GJC1: variants seen among roughly 807,000 people sequenced by gnomAD.
GJC1 encodes gap junction gamma-1 protein.
A neutral mutation model predicts 29.3 loss-of-function variants in GJC1; 5 were observed. The observed-to-expected ratio is 0.17, with a 90% CI of 0.09 to 0.36. GJC1 has a LOEUF of 0.36. Ranked by LOEUF, GJC1 falls within the 10% of genes least tolerant of loss-of-function variation. The pLI is 1.00. For synonymous variants in GJC1, 177 were observed against 183.3 expected, an observed-to-expected ratio of 0.97 and a Z score of 0.28; for missense variants, 310 against 496.2, an observed-to-expected ratio of 0.62 and a Z score of 3.56.
chr17:44,819,215 C>T (rs2050077141), intron 1 of GJC1, among the ~76,000 whole-genome samples: 1 of 152,162 alleles, frequency 6.6e-6, no homozygotes, highest in Non-Finnish European at 1.5e-5. Context: ...CTTCTCCCAG[C>T]CCCTGGCAAT....
intron 1 of GJC1, among the ~76,000 whole-genome samples, chr17:44,814,959 T>C (rs566020305): frequency 6.6e-6 from 1 of 151,216 alleles, no homozygotes; most frequent in African/African-American, 2.4e-5. Context: ...AAAAAAAAAA[T>C]TTCAGGACAT....
rs35299072 is a variant in GJC1 at position 44,813,484 on chromosome 17, C to CTTT, written c.-96-6018_-96-6016dup. Among the ~76,000 whole-genome samples, 281 of 80,514 alleles carry CTTT rather than the reference C, an allele frequency of 3.5e-3. 13 individuals carry two copies. Among genetic ancestry groups the CTTT allele is most frequent in the African/African-American group, 0.011 (227 of 20,080 alleles). The allele number at this position is 80,514 out of a possible 152,430, so 52.8% of individuals were successfully genotyped here. A position where few individuals can be genotyped will look rare whatever the true frequency, so the allele number is the denominator to read the frequency against. On this transcript the variant is annotated intron_variant, in intron 1 of 2. Transcript: ENST00000592524. ...TTCCCTTTCCTCTCCTTCCAAGTTA[C>CTTT]TTTTTTTTTTTTTTTTTTTTTTTTT... is the stretch of plus-strand genomic sequence containing the variant.
rs374955048 is a variant in GJC1 at position 44,803,333 on chromosome 17, A to G, written c.*1294T>C. Reference sequence around the variant, plus strand: ...TGATGAGAAAGCAAAGCTCTCCAACATAAGGCTGAAAATGACAATAAAAGA... The same window carrying G: ...TGATGAGAAAGCAAAGCTCTCCAACGTAAGGCTGAAAATGACAATAAAAGA... On this transcript the variant is annotated 3_prime_UTR_variant, in exon 3 of 3. Transcript: ENST00000592524. The G allele has an allele frequency of 6.6e-6, 1 of 152,202 alleles. No homozygotes were observed. Among genetic ancestry groups the G allele is most frequent in the Admixed American group, 6.5e-5 (1 of 15,278 alleles). The allele number at this position is 152,202 out of a possible 1,614,324, so 9.4% of individuals were successfully genotyped here.
intron 1 of GJC1, among the ~76,000 whole-genome samples, chr17:44,812,837 C>G (rs1350589507): frequency 6.6e-6 from 1 of 151,474 alleles, no homozygotes; most frequent in East Asian, 1.9e-4. Flanking sequence ...TTAGTAGAGA[C>G]AGGGTTTCAC....
At chr17:44,820,425 A>G (rs1486091495) in intron 1 of GJC1, among the ~76,000 whole-genome samples, 1 of 152,244 alleles carries the variant, frequency 6.6e-6, no homozygotes, top group Non-Finnish European at 1.5e-5. Flanking sequence ...TGATTTCTAA[A>G]ATCTCTTCCA....
At chr17:44,826,223 C>T (rs936343997) in intron 1 of GJC1, among the ~76,000 whole-genome samples, 3 of 152,118 alleles carry the variant, frequency 2.0e-5, no homozygotes, top group African/African-American at 7.2e-5. Context: ...CTCCTGGCCC[C>T]ATTTCATTTC....
At chr17:44,821,187 G>A (rs543522472) in intron 1 of GJC1, among the ~76,000 whole-genome samples, 1 of 152,102 alleles carries the variant, frequency 6.6e-6, no homozygotes, top group Non-Finnish European at 1.5e-5. Flanking sequence ...CCTGGGATAG[G>A]GATAATATAT....
intron 1 of GJC1, among the ~76,000 whole-genome samples, chr17:44,823,769 T>C (rs1239989951): frequency 1.3e-5 from 2 of 151,060 alleles, no homozygotes; most frequent in African/African-American, 2.4e-5. Context: ...TGGAGTGCAG[T>C]GGCACAATCT....
chr17:44,796,950 G>A (rs879119315), downstream of GJC1, among the ~76,000 whole-genome samples: 3 of 152,024 alleles, frequency 2.0e-5, no homozygotes, highest in Non-Finnish European at 4.4e-5. Context: ...GCGGTCAACC[G>A]ATCTTCCTGC....
At chr17:44,806,213 C>CA (rs1040417143) in intron 2 of GJC1, among the ~76,000 whole-genome samples, 7 of 150,018 alleles carry the variant, frequency 4.7e-5, no homozygotes, top group South Asian at 4.2e-4. Context: ...GACTCCATCT[C>CA]AAAAAAAAAG....
chr17:44,817,562 T>C (rs892216976), intron 1 of GJC1, among the ~76,000 whole-genome samples: 1 of 151,756 alleles, frequency 6.6e-6, no homozygotes, highest in Non-Finnish European at 1.5e-5. Flanking sequence ...AATACAATAT[T>C]AGCCAGGCGT....
chr17:44,822,648 A>AAAG (rs1431915189), intron 1 of GJC1, among the ~76,000 whole-genome samples: 1 of 150,026 alleles, frequency 6.7e-6, no homozygotes, highest in Non-Finnish European at 1.5e-5. Context: ...CATCTCAAAA[A>AAAG]AAAAAAAAAA....
chr17:44,827,417 T>C (rs997433239), intron 1 of GJC1, among the ~76,000 whole-genome samples: 4 of 152,170 alleles, frequency 2.6e-5, no homozygotes, highest in African/African-American at 9.7e-5. Context: ...AAGCCACATG[T>C]ATTTCTACAC....
At chr17:44,811,894 T>C (rs946672586) in intron 1 of GJC1, among the ~76,000 whole-genome samples, 1 of 151,662 alleles carries the variant, frequency 6.6e-6, no homozygotes, top group Non-Finnish European at 1.5e-5. Flanking sequence ...TCCCAGCTAC[T>C]TGGGAGGCTG....
chr17:44,827,514 AAGG>A (rs2050189329), intron 1 of GJC1, among the ~76,000 whole-genome samples: 1 of 152,134 alleles, frequency 6.6e-6, no homozygotes. Context: ...CAGGACAGGA[AAGG>A]AGGAGAAAAA....
intron 1 of GJC1, among the ~76,000 whole-genome samples, chr17:44,816,410 C>G (rs143026300): frequency 1.7e-3 from 260 of 152,286 alleles, no homozygotes; most frequent in African/African-American, 6.0e-3. Flanking sequence ...AATTCTCTCT[C>G]AAATTCTTAT....
chr17:44,819,630 C>A (rs2050084684), intron 1 of GJC1, among the ~76,000 whole-genome samples: 1 of 151,378 alleles, frequency 6.6e-6, no homozygotes, highest in South Asian at 2.1e-4. Context: ...TGCACTCCAG[C>A]CTGGGCGACA....
chr17:44,811,804 G>A (rs930167983), intron 1 of GJC1, among the ~76,000 whole-genome samples: 10 of 152,030 alleles, frequency 6.6e-5, no homozygotes, highest in Middle Eastern at 6.8e-3. Context: ...GGGAGTTCGA[G>A]ACTGGCCTAG....
intron 1 of GJC1, among the ~76,000 whole-genome samples, chr17:44,816,822 G>T (rs2050048743): frequency 6.6e-6 from 1 of 151,846 alleles, no homozygotes; most frequent in Non-Finnish European, 1.5e-5. Flanking sequence ...TAGGATTTTT[G>T]AAGATCAAAT....
Sources: allele counts gnomAD v4.1 joint callset (sites outside exome capture counted in the v4.1 genomes callset), GRCh38; gene constraint gnomAD v4.1.1; transcripts MANE v1.5; gene names NCBI Gene and HGNC (gene_info 2026-07-23, HGNC 2026-07-21).